The following SV2C variants were observed in gnomAD, a reference collection of about 807,000 sequenced individuals.
SV2C encodes the protein synaptic vesicle glycoprotein 2C.
Under a neutral mutation model 79.7 loss-of-function variants are expected in SV2C, and 49 were observed. That is an observed-to-expected ratio of 0.61 (90% CI 0.49 to 0.78). The LOEUF (loss-of-function observed/expected upper bound fraction) is 0.78. Ranked by LOEUF, SV2C falls within the 30% of genes least tolerant of loss-of-function variation. The pLI, the probability that SV2C is intolerant of heterozygous loss-of-function variation, is 0.00. For synonymous variants in SV2C, 334 were observed against 333.2 expected (o/e 1.00, Z -0.03); for missense variants, 833 against 912.9 (o/e 0.91, Z 1.13).
chr5:75,942,457 G>C, the SV2C span, among the ~76,000 whole-genome samples: 2 of 152,172 alleles, frequency 1.3e-5, no homozygotes, highest in Admixed American at 6.5e-5. Context: ...ACAGAAACTG[G>C]GATGAGCGTG....
At chr5:76,149,244 AATTGTGTGT>A (rs1343569801) in intron 2 of SV2C, among the ~76,000 whole-genome samples, 2 of 152,292 alleles carry the variant, frequency 1.3e-5, no homozygotes, top group African/African-American at 4.8e-5. Flanking sequence ...GAGCCTGGGA[AATTGTGTGT>A]ATGTCTTATG....
chr5:76,311,593 C>A (rs2112544399), intron 12 of SV2C: 1 of 152,336 alleles, frequency 6.6e-6, no homozygotes, highest in East Asian at 1.9e-4. Context: ...ACAGTTTCTA[C>A]ATCAGCCCCT....
At chr5:76,063,936 G>A in the SV2C span, among the ~76,000 whole-genome samples, 1 of 152,066 alleles carries the variant, frequency 6.6e-6, no homozygotes, top group East Asian at 1.9e-4. Context: ...ATTTAGAAAG[G>A]CAGATGTACC....
the SV2C span, among the ~76,000 whole-genome samples, chr5:75,874,407 CA>C: frequency 1.3e-5 from 2 of 152,116 alleles, no homozygotes; most frequent in South Asian, 4.1e-4. Context: ...GAACATACCT[CA>C]AAATAATAAC....
At chr5:76,041,755 A>G in the SV2C span, among the ~76,000 whole-genome samples, 1 of 152,148 alleles carries the variant, frequency 6.6e-6, no homozygotes, top group Non-Finnish European at 1.5e-5. Flanking sequence ...GCCCATCAAC[A>G]TTCCCCTCCT....
the SV2C span, among the ~76,000 whole-genome samples, chr5:76,051,308 T>C: frequency 1.3e-5 from 2 of 152,208 alleles, no homozygotes; most frequent in East Asian, 3.8e-4. Context: ...GTGTTGAAGA[T>C]GGACACAGTA....
At chr5:76,236,582 AG>A (rs1362652398) in intron 4 of SV2C, among the ~76,000 whole-genome samples, 9 of 122,230 alleles carry the variant, frequency 7.4e-5, no homozygotes, top group Admixed American at 2.9e-4. Flanking sequence ...AATAAAATAA[AG>A]AGAGAGAGAG....
intron 1 of SV2C, among the ~76,000 whole-genome samples, chr5:76,115,157 A>G (rs977254007): frequency 1.3e-5 from 2 of 152,200 alleles, no homozygotes; most frequent in African/African-American, 4.8e-5. Flanking sequence ...TTCTGTATAA[A>G]TTTAGGAACA....
chr5:76,238,778 G>C (rs1745694910), intron 4 of SV2C, among the ~76,000 whole-genome samples: 1 of 152,198 alleles, frequency 6.6e-6, no homozygotes, highest in South Asian at 2.1e-4. Flanking sequence ...CTGGGGTTCT[G>C]AGAAGGATGT....
At chr5:76,049,023 G>GAAAGAAAGA in the SV2C span, among the ~76,000 whole-genome samples, 1 of 82,584 alleles carries the variant, frequency 1.2e-5, no homozygotes, top group Non-Finnish European at 2.3e-5. Flanking sequence ...AAGAAAGAAA[G>GAAAGAAAGA]AAAAAGAAAA....
At chr5:76,089,263 G>A (rs1301743491) in intron 1 of SV2C, among the ~76,000 whole-genome samples, 1 of 152,176 alleles carries the variant, frequency 6.6e-6, no homozygotes. Flanking sequence ...CGACTTATAA[G>A]TGAGAACATG....
rs1433100069 is a variant in SV2C, at chr5:76,300,723, C to A, written c.1637-6C>A. 6.8e-6 allele frequency: 11 copies of A among 1,613,498 alleles called. No homozygotes were observed. The Admixed American group carries it at 1.7e-4, about 24-fold the overall frequency. On this transcript the variant is annotated splice_polypyrimidine_tract_variant and splice_region_variant and intron_variant, in intron 10 of 12. Coordinates refer to ENST00000502798, the MANE Select transcript of SV2C (RefSeq NM_014979.4). The stretch of plus-strand genomic sequence containing the variant: ...TGATGAATTGTCTTTGTTGTTGTTT[C>A]TACAGATTTTGAGCCATATAAATTC...
chr5:75,910,799 A>G, the SV2C span: 2 of 1,337,950 alleles, frequency 1.5e-6, no homozygotes, highest in Non-Finnish European at 2.1e-6. Flanking sequence ...CTATGTGACC[A>G]TCTTCCAAAA....
At chr5:75,962,055 C>G in the SV2C span, among the ~76,000 whole-genome samples, 1 of 152,118 alleles carries the variant, frequency 6.6e-6, no homozygotes, top group Non-Finnish European at 1.5e-5. Context: ...CACAATCCTA[C>G]TTGGCACTGG....
intron 2 of SV2C, among the ~76,000 whole-genome samples, chr5:76,171,677 C>T (rs1282867552): frequency 2.9e-4 from 41 of 139,268 alleles, no homozygotes; most frequent in African/African-American, 6.1e-4. Flanking sequence ...TCAGCCCCCC[C>T]GCCCGGCCAG....
chr5:75,912,330 A>G, the SV2C span, among the ~76,000 whole-genome samples: 1 of 152,052 alleles, frequency 6.6e-6, no homozygotes, highest in African/African-American at 2.4e-5. Flanking sequence ...ATTCTGACAA[A>G]AAAAATACAA....
At chr5:76,045,759 T>C in the SV2C span, among the ~76,000 whole-genome samples, 1 of 152,226 alleles carries the variant, frequency 6.6e-6, no homozygotes, top group Non-Finnish European at 1.5e-5. Flanking sequence ...AATAGCGTGG[T>C]AATTTGCTGT....
chr5:75,992,992 T>C, the SV2C span, among the ~76,000 whole-genome samples: 1 of 151,980 alleles, frequency 6.6e-6, no homozygotes, highest in Non-Finnish European at 1.5e-5. Flanking sequence ...GATAAAACCT[T>C]GGGAGCTAAT....
chr5:75,853,994 CA>C, the SV2C span, among the ~76,000 whole-genome samples: 29,950 of 121,530 alleles, frequency 0.25, 3,209 homozygotes, highest in Middle Eastern at 0.33. Context: ...CATCTATCAC[CA>C]AAAAAAAAAA....
Sources: gnomAD v4.1 joint callset for allele counts (sites outside exome capture counted in the v4.1 genomes callset) on GRCh38, gnomAD v4.1.1 for gene constraint, MANE v1.5 for transcripts, NCBI Gene and HGNC (gene_info 2026-07-23, HGNC 2026-07-21) for gene names.